Variants in NRG4 observed in about 807,000 individuals in gnomAD.
NRG4 encodes pro-neuregulin-4, membrane-bound isoform.
NRG4 carries 10 observed loss-of-function variants against 15.0 expected under a neutral mutation model. That is an observed-to-expected ratio of 0.67 (90% CI 0.41 to 1.13). The LOEUF (loss-of-function observed/expected upper bound fraction) is 1.13. Among genes scored for constraint, NRG4 ranks in the 50% most tolerant of loss-of-function variants. The pLI is 0.00. For missense variants in NRG4, 139 were observed against 140.2 expected, an observed-to-expected ratio of 0.99 and a Z score of 0.04; for synonymous variants, 41 against 50.1, an observed-to-expected ratio of 0.82 and a Z score of 0.77.
At chr15:76,024,833 C>A (rs1009776851) in intron 5 of NRG4, among the ~76,000 whole-genome samples, 3 of 152,166 alleles carry the variant, frequency 2.0e-5, no homozygotes, top group Admixed American at 6.5e-5. Flanking sequence ...AGACCCAAAA[C>A]CAAGGCACCC....
rs1311924496 is a variant in NRG4 at position 75,977,811 on chromosome 15, C to G, written c.105-15837G>C. 6.6e-6 allele frequency among the ~76,000 whole-genome samples: 1 copy of G among 152,076 alleles called. No individual in the cohort carries two copies. The highest frequency in any genetic ancestry group is 1.5e-5 in the Non-Finnish European group (1 of 68,012). On this transcript the variant is annotated intron_variant, in intron 3 of 5. Coordinates refer to ENST00000394907, the MANE Select transcript of NRG4 (RefSeq NM_138573.4). This position sits in a 1 kb window ranked among gnomAD's most constrained non-coding sequence, Gnocchi z 4.9. ...GAACATTCCCAATCTTCTCTTCCAG[C>G]TTTTTATTTTTATTTTATTTTTTTA...
chr15:76,059,788 G>T (rs2036251458), exon 1 of NRG4: 2 of 148,684 alleles, frequency 1.3e-5, no homozygotes, highest in Admixed American at 1.3e-4. Flanking sequence ...CCGCCGTTCC[G>T]CAGCCTCGGG....
At chr15:76,020,471 T>C (rs541171187) in intron 5 of NRG4, among the ~76,000 whole-genome samples, 21 of 152,274 alleles carry the variant, frequency 1.4e-4, no homozygotes, top group African/African-American at 5.1e-4. Context: ...GTGATCTGGA[T>C]AGAAGGTCAA....
chr15:75,963,777 C>CAAA (rs71140188), intron 3 of NRG4, among the ~76,000 whole-genome samples: 4 of 102,990 alleles, frequency 3.9e-5, no homozygotes, highest in African/African-American at 7.1e-5. Context: ...GACTCCATCT[C>CAAA]AAAAAAAAAA....
chr15:75,993,758 C>G (rs2034114980), intron 3 of NRG4, among the ~76,000 whole-genome samples: 2 of 152,042 alleles, frequency 1.3e-5, no homozygotes, highest in Admixed American at 1.3e-4. Flanking sequence ...AGTACACCTA[C>G]TCTTTCTTCT....
At chr15:76,027,697 A>C (rs938838338) in intron 5 of NRG4, among the ~76,000 whole-genome samples, 1 of 152,184 alleles carries the variant, frequency 6.6e-6, no homozygotes, top group Non-Finnish European at 1.5e-5. Context: ...GGCTAAACGG[A>C]CATAATTTTC....
chr15:75,990,684 G>T (rs72734569), intron 3 of NRG4, among the ~76,000 whole-genome samples: 3,335 of 100,482 alleles, frequency 0.033, 49 homozygotes, highest in African/African-American at 0.064. Flanking sequence ...TTTTTTTTTT[G>T]TTTTTTTTTT....
chr15:76,054,768 C>T (rs1011370709), intron 2 of NRG4, among the ~76,000 whole-genome samples: 12 of 151,850 alleles, frequency 7.9e-5, no homozygotes, highest in Admixed American at 2.0e-4. Context: ...CACTTATATA[C>T]CAATAGAAAA....
At chr15:75,970,114 C>T (rs993096614) in intron 3 of NRG4, among the ~76,000 whole-genome samples, 3 of 152,124 alleles carry the variant, frequency 2.0e-5, no homozygotes, top group African/African-American at 4.8e-5. Context: ...TCTATCTTAA[C>T]CATTTGATCT....
Position 76,051,565 on chromosome 15 carries a change from C to CTTT in NRG4, c.-105+499_-105+501dup, listed in dbSNP as rs917470740. On this transcript the variant is annotated intron_variant, in intron 4 of 8. Coordinates refer to the NRG4 transcript ENST00000563910. ...AGTTAACATATAATTGAACAATCTT[C>CTTT]TTTTTTTTTTTTTTTTGAGACAGAG... Among the ~76,000 whole-genome samples the CTTT allele has an allele frequency of 4.6e-3, 618 of 133,476 alleles. 32 individuals are homozygous for CTTT. Among genetic ancestry groups the CTTT allele is most frequent in the African/African-American group, 0.016 (580 of 35,266 alleles). The allele number at this position is 133,476 out of a possible 152,430, so 87.6% of individuals were successfully genotyped here.
At chr15:75,935,763 A>G (rs1471039857), downstream of NRG4, 3 of 152,092 alleles carry the variant, frequency 2.0e-5, no homozygotes, top group Admixed American at 6.6e-5. Context: ...AAGAATTACA[A>G]TAGAAATAAA....
downstream of NRG4, chr15:75,938,550 T>C (rs1205083712): frequency 6.6e-6 from 1 of 151,806 alleles, no homozygotes; most frequent in Non-Finnish European, 1.5e-5. Context: ...ATCAGGAAAA[T>C]GATAAATGAA....
intron 4 of NRG4, among the ~76,000 whole-genome samples, chr15:75,956,921 TTTTA>T (rs1567075360): frequency 6.6e-6 from 1 of 152,218 alleles, no homozygotes; most frequent in Non-Finnish European, 1.5e-5. Flanking sequence ...TAGCTTTCTT[TTTTA>T]TTTATTTTTA....
chr15:76,004,536 T>C (rs112063284), intron 3 of NRG4, among the ~76,000 whole-genome samples: 2,566 of 150,568 alleles, frequency 0.017, 70 homozygotes, highest in African/African-American at 0.059. Flanking sequence ...GAGGCAGAGG[T>C]TGCAGTGGGC....
intron 5 of NRG4, among the ~76,000 whole-genome samples, chr15:75,946,103 T>C (rs1228679614): frequency 6.6e-6 from 1 of 152,202 alleles, no homozygotes; most frequent in African/African-American, 2.4e-5. Flanking sequence ...GTGGGCGGCA[T>C]ATACAGTGTG....
upstream of NRG4, among the ~76,000 whole-genome samples, chr15:76,016,158 T>C (rs1046013318): frequency 1.3e-5 from 2 of 152,228 alleles, no homozygotes; most frequent in Non-Finnish European, 1.5e-5. Flanking sequence ...TATTCTCTGA[T>C]GGTAGTTTAT....
At chr15:76,023,180 AC>A (rs1567116223) in intron 5 of NRG4, among the ~76,000 whole-genome samples, 7,102 of 139,314 alleles carry the variant, frequency 0.051, 257 homozygotes, top group Middle Eastern at 0.07. Flanking sequence ...ACACACACAC[AC>A]ACAAGCAAGG....
intron 5 of NRG4, among the ~76,000 whole-genome samples, chr15:76,025,654 T>G (rs1397711528): frequency 6.6e-6 from 1 of 152,054 alleles, no homozygotes; most frequent in East Asian, 1.9e-4. Context: ...GACTGGTAGA[T>G]CACTTGAGGT....
chr15:75,965,851 C>T (rs1043177739), intron 3 of NRG4, among the ~76,000 whole-genome samples: 5 of 152,176 alleles, frequency 3.3e-5, no homozygotes, highest in Non-Finnish European at 7.3e-5. Flanking sequence ...TCATGTTGCA[C>T]CAGCATTTAC....
Sources: gnomAD v4.1 joint callset for allele counts (sites outside exome capture counted in the v4.1 genomes callset) on GRCh38, gnomAD v4.1.1 for gene constraint, Gnocchi (gnomAD v3.1) non-coding constraint, MANE v1.5 for transcripts, NCBI Gene and HGNC (gene_info 2026-07-23, HGNC 2026-07-21) for gene names.